PCBP3: variants seen among roughly 807,000 people sequenced by gnomAD.
PCBP3 encodes the protein poly(rC)-binding protein 3.
A neutral mutation model predicts 52.7 loss-of-function variants in PCBP3; 25 were observed. The ratio of observed to expected loss-of-function variants is 0.47; its 90% CI spans 0.35 to 0.66. The LOEUF (loss-of-function observed/expected upper bound fraction) is 0.66. Ranked by LOEUF, PCBP3 falls within the 30% of genes least tolerant of loss-of-function variation. The pLI, the probability that PCBP3 is intolerant of heterozygous loss-of-function variation, is 0.01. For synonymous variants in PCBP3, 162 were observed against 183.0 expected (o/e 0.89, Z 0.93); for missense variants, 391 against 490.3 (o/e 0.80, Z 1.91).
chr21:45,889,886 T>G (rs1003661515), intron 5 of PCBP3, among the ~76,000 whole-genome samples: 1 of 152,376 alleles, frequency 6.6e-6, no homozygotes, highest in Admixed American at 6.5e-5. Context: ...AAGATACTTA[T>G]GAAAACCAAA....
intron 16 of PCBP3, 122 bp from the exon 17 acceptor site, chr21:45,939,908 G>C: frequency 1.2e-6 from 1 of 857,064 alleles, no homozygotes; most frequent in Non-Finnish European, 1.8e-6. Flanking sequence ...GTTGAGCTCA[G>C]GTCTTGGGGC....
chr21:45,797,619 T>TG (rs2092007250), intron 4 of PCBP3, among the ~76,000 whole-genome samples: 2 of 137,544 alleles, frequency 1.5e-5, no homozygotes, highest in Non-Finnish European at 3.1e-5. Context: ...GATGAATGCA[T>TG]GAATCCACAG....
chr21:45,905,258 G>A (rs1293659748), intron 9 of PCBP3, among the ~76,000 whole-genome samples: 1 of 152,144 alleles, frequency 6.6e-6, no homozygotes, highest in Non-Finnish European at 1.5e-5. Flanking sequence ...CCGCATCTCC[G>A]TCTGCACTGG....
At chr21:45,750,926 A>AT (rs1369953598) in intron 3 of PCBP3, 1 of 152,100 alleles carries the variant, frequency 6.6e-6, no homozygotes, top group Non-Finnish European at 1.5e-5. Context: ...ATACATGCAT[A>AT]TATGTGCGTG....
At chr21:45,764,497 AG>A in intron 4 of PCBP3, among the ~76,000 whole-genome samples, 1 of 152,330 alleles carries the variant, frequency 6.6e-6, no homozygotes, top group East Asian at 1.9e-4. Context: ...TAACCCGCCA[AG>A]TGAGGGGTGC....
At chr21:45,732,232 A>G (rs912729039) in intron 2 of PCBP3, among the ~76,000 whole-genome samples, 62 of 152,128 alleles carry the variant, frequency 4.1e-4, no homozygotes, top group African/African-American at 1.5e-3. Context: ...TGTTTCTGAA[A>G]AGTTCTCTGT....
chr21:45,650,528 G>T (rs1214617159), intron 1 of PCBP3, among the ~76,000 whole-genome samples: 1 of 152,048 alleles, frequency 6.6e-6, no homozygotes, highest in African/African-American at 2.4e-5. Flanking sequence ...ATATCCTACT[G>T]CAGCCTTGAA....
chr21:45,655,358 C>T (rs955061519), intron 1 of PCBP3, among the ~76,000 whole-genome samples: 2 of 151,926 alleles, frequency 1.3e-5, no homozygotes, highest in African/African-American at 4.8e-5. Context: ...ATGTAAAATG[C>T]TGCACCATTT....
rs1569240653 is a variant in PCBP3, at chr21:45,800,593, C to T, written c.-126+45141C>T. 1.3e-5 allele frequency among the ~76,000 whole-genome samples: 2 copies of T among 152,168 alleles called. No individual in the cohort carries two copies. On this transcript the variant is annotated intron_variant, in intron 4 of 17. Transcript: ENST00000681687. This position sits in a 1 kb window ranked among gnomAD's most constrained non-coding sequence, Gnocchi z 5.3. ...GGTGCCTCCTGCCCTGCCCTCTGCT[C>T]TCAGCTGCCTGCCCTGGTCACCTGC... is the stretch of plus-strand genomic sequence containing the variant.
rs922780395 is a variant in PCBP3, at chr21:45,792,682, G to A, written c.-126+37230G>A. 5.3e-5 allele frequency among the ~76,000 whole-genome samples: 8 copies of A among 152,332 alleles called. No individual in the cohort carries two copies. In the South Asian group the frequency reaches 8.3e-4, roughly 16 times the overall value. On this transcript the variant is annotated intron_variant, in intron 4 of 17. Transcript: ENST00000681687. ...ATTGATTATTAAGAGAGAGAAACAG[G>A]CGATGTTTGTGGAATCACATCACCA...
At chr21:45,739,484 G>T (rs2086220482) in intron 3 of PCBP3, among the ~76,000 whole-genome samples, 1 of 138,638 alleles carries the variant, frequency 7.2e-6, no homozygotes, top group Non-Finnish European at 1.5e-5. Flanking sequence ...TGGCCTCCTG[G>T]GTGGCCCCCC....
At chr21:45,901,962 A>T (rs900492836) in intron 9 of PCBP3, among the ~76,000 whole-genome samples, 4 of 152,242 alleles carry the variant, frequency 2.6e-5, no homozygotes, top group African/African-American at 9.6e-5. Flanking sequence ...GAATGGGCAG[A>T]GGCTCTTTAT....
At chr21:45,814,297 G>A (rs1176383739) in intron 4 of PCBP3, among the ~76,000 whole-genome samples, 1 of 151,774 alleles carries the variant, frequency 6.6e-6, no homozygotes, top group Admixed American at 6.6e-5. Context: ...GTGAGCTAGT[G>A]AGTGGTGAGT....
At chr21:45,803,945 T>C (rs2839000) in intron 4 of PCBP3, among the ~76,000 whole-genome samples, 29,713 of 152,122 alleles carry the variant, frequency 0.2, 3,153 homozygotes, top group Middle Eastern at 0.34. Flanking sequence ...CTCGCTGAGA[T>C]GAAGGACGCC....
chr21:45,901,296 G>T, intron 9 of PCBP3, 183 bp downstream of exon 9: 1 of 580,168 alleles, frequency 1.7e-6, no homozygotes. Context: ...CACCCAGTCA[G>T]GGGCCAGTGT....
intron 2 of PCBP3, among the ~76,000 whole-genome samples, chr21:45,681,145 C>T (rs1238588090): frequency 6.6e-6 from 1 of 152,136 alleles, no homozygotes; most frequent in East Asian, 1.9e-4. Context: ...TAATCACTTC[C>T]CAGAAGGTGC....
rs1345065500 is a variant in PCBP3 at position 45,880,719 on chromosome 21, G to A, written c.11-15489G>A. On this transcript the variant is annotated intron_variant, in intron 5 of 17. Transcript: ENST00000681687. The surrounding 1 kb of genome is among the most constrained non-coding windows in gnomAD (Gnocchi z 5.4). ...GACTGCAGCAGGGCCAGGAGAGACG[G>A]GGTTGTAGGTACAGCCTGGTAGGCA... Among the ~76,000 whole-genome samples the A allele has an allele frequency of 6.6e-6, 1 of 152,142 alleles. No homozygotes were observed. The highest frequency in any genetic ancestry group is 2.4e-5 in the African/African-American group (1 of 41,428).
intron 2 of PCBP3, among the ~76,000 whole-genome samples, chr21:45,692,815 G>A (rs1297358378): frequency 6.6e-6 from 1 of 152,096 alleles, no homozygotes; most frequent in Non-Finnish European, 1.5e-5. Flanking sequence ...AAAACCAGAT[G>A]AAGATATTAC....
rs570743346 is a variant in PCBP3, at chr21:45,653,578, A to G, written c.-279+9710A>G. On this transcript the variant is annotated intron_variant, in intron 1 of 17. Transcript: ENST00000681687. ...AGATGTTTTAGGCTCATATTTACATACTATCTTTGTTTTTTATCTTATTCT... is the reference window on the plus strand; with the variant it reads ...AGATGTTTTAGGCTCATATTTACATGCTATCTTTGTTTTTTATCTTATTCT... Among the ~76,000 whole-genome samples the G allele has an allele frequency of 2.6e-4, 40 of 152,216 alleles. No individual in the cohort carries two copies. In the South Asian group the frequency reaches 6.2e-3, roughly 24 times the overall value.
Sources: gnomAD v4.1 joint callset for allele counts (sites outside exome capture counted in the v4.1 genomes callset) on GRCh38, gnomAD v4.1.1 for gene constraint, Gnocchi (gnomAD v3.1) non-coding constraint, MANE v1.5 for transcripts, NCBI Gene and HGNC (gene_info 2026-07-23, HGNC 2026-07-21) for gene names.